The following SLC7A11 variants were observed in gnomAD, a reference collection of about 807,000 sequenced individuals.
SLC7A11 encodes cystine/glutamate transporter.
A neutral mutation model predicts 54.5 loss-of-function variants in SLC7A11; 35 were observed. The ratio of observed to expected loss-of-function variants is 0.64; its 90% CI spans 0.49 to 0.85. The LOEUF is 0.85. Ranked by LOEUF, SLC7A11 falls within the 40% of genes least tolerant of loss-of-function variation. The pLI is 0.00. For missense variants in SLC7A11, 583 were observed against 618.1 expected (o/e 0.94, Z 0.60); for synonymous variants, 230 against 225.2 (o/e 1.02, Z -0.19).
chr4:138,224,149 C>T (rs992199828), intron 3 of SLC7A11, among the ~76,000 whole-genome samples: 2 of 152,110 alleles, frequency 1.3e-5, no homozygotes, highest in Non-Finnish European at 2.9e-5. Flanking sequence ...GCCCAGGTAA[C>T]TTAATACATT....
chr4:138,236,288 G>A, intron 2 of SLC7A11, 37 bp downstream of exon 2: 2 of 1,565,482 alleles, frequency 1.3e-6, no homozygotes, highest in East Asian at 4.6e-5. Context: ...GAATGAATTG[G>A]TTTATTTTTT....
intron 3 of SLC7A11, among the ~76,000 whole-genome samples, chr4:138,228,852 T>C (rs371042982): frequency 4.6e-5 from 7 of 151,504 alleles, no homozygotes; most frequent in African/African-American, 1.2e-4. Context: ...AGATTTTCCA[T>C]CTTAACTTCC....
chr4:138,179,524 C>G (rs1239767713), intron 10 of SLC7A11, 130 bp from the exon 11 acceptor site: 3 of 675,000 alleles, frequency 4.4e-6, no homozygotes, highest in African/African-American at 1.8e-5. Flanking sequence ...GTAACAGGCA[C>G]CAACGTGCCT....
At chr4:138,225,166 ATATAT>A (rs1737917186) in intron 3 of SLC7A11, among the ~76,000 whole-genome samples, 1 of 145,896 alleles carries the variant, frequency 6.9e-6, no homozygotes, top group Non-Finnish European at 1.5e-5. Flanking sequence ...ATATATATAT[ATATAT>A]AAATAAAATC....
intron 8 of SLC7A11, 53 bp from the exon 9 acceptor site, chr4:138,182,446 G>C: frequency 8.8e-7 from 1 of 1,137,970 alleles, no homozygotes. Flanking sequence ...TCATTTCAAA[G>C]GGAAAATCCA....
In SLC7A11 at chr4:138,166,046, A is replaced by G. The variant is rs1036409437; in HGVS notation, c.*5910T>C. The stretch of plus-strand genomic sequence containing the variant: ...CGTTTCTAGTCGAGTATGAGCATAC[A>G]TTCATGGGAACAATCTGTTTCATTC... On this transcript the variant is annotated 3_prime_UTR_variant, in exon 12 of 12. Transcript: ENST00000280612. The G allele has an allele frequency of 6.6e-6, 1 of 152,194 alleles. No individual in the cohort carries two copies. The highest frequency in any genetic ancestry group is 1.5e-5 in the Non-Finnish European group (1 of 68,024). 9.4% of individuals were successfully genotyped at this position (152,194 alleles called of 1,614,324 possible).
At chr4:138,184,626 T>G (rs1387261594) in intron 7 of SLC7A11, among the ~76,000 whole-genome samples, 1 of 152,132 alleles carries the variant, frequency 6.6e-6, no homozygotes, top group Non-Finnish European at 1.5e-5. Context: ...CAGTATTTCC[T>G]AAATTTATTA....
In SLC7A11 at chr4:138,231,171, C is replaced by T. The variant is rs751520007; in HGVS notation, c.520+1096G>A. On this transcript the variant is annotated intron_variant, in intron 3 of 11. Coordinates refer to ENST00000280612, the MANE Select transcript of SLC7A11 (RefSeq NM_014331.4). Reference sequence around the variant, plus strand: ...ACGTAGAGTGTGAAATAATAGACATCGGAGACTCAGAGAGATGAGAGGGTA... The same window carrying T: ...ACGTAGAGTGTGAAATAATAGACATTGGAGACTCAGAGAGATGAGAGGGTA... Among the ~76,000 whole-genome samples, 6 of 151,854 alleles carry T rather than the reference C, an allele frequency of 4.0e-5. No homozygotes were observed. The South Asian group carries it at 1.0e-3, about 26-fold the overall frequency.
rs1214478176 is a variant in SLC7A11 at position 138,170,111 on chromosome 4, A to G, written c.*1845T>C. The G allele has an allele frequency of 6.7e-6, 1 of 149,740 alleles. No individual in the cohort carries two copies. Among genetic ancestry groups the G allele is most frequent in the East Asian group, 2.0e-4 (1 of 5,094 alleles). 9.3% of individuals were successfully genotyped at this position (149,740 alleles called of 1,614,324 possible). A position where few individuals can be genotyped will look rare whatever the true frequency, so the allele number is the denominator to read the frequency against. On this transcript the variant is annotated 3_prime_UTR_variant, in exon 12 of 12. Coordinates refer to ENST00000280612, the MANE Select transcript of SLC7A11 (RefSeq NM_014331.4). ...AAATGGACAAAAATTAAAGGATGAA[A>G]CATACTCTGGCCATGACTAACCATT...
intron 6 of SLC7A11, among the ~76,000 whole-genome samples, chr4:138,203,435 G>A (rs189577391): frequency 3.3e-5 from 5 of 152,022 alleles, no homozygotes; most frequent in Admixed American, 3.3e-4. Context: ...GAAAATAAAT[G>A]ATAGTATCTT....
At chr4:138,187,412 C>CA (rs1338115011) in intron 6 of SLC7A11, among the ~76,000 whole-genome samples, 1 of 152,120 alleles carries the variant, frequency 6.6e-6, no homozygotes, top group Non-Finnish European at 1.5e-5. Flanking sequence ...TTAGGAACAT[C>CA]AGCACATTTT....
At chr4:138,227,709 T>C (rs1737977376) in intron 3 of SLC7A11, among the ~76,000 whole-genome samples, 1 of 152,168 alleles carries the variant, frequency 6.6e-6, no homozygotes, top group African/African-American at 2.4e-5. Context: ...AATGAGGAAG[T>C]AGTTCAAAAG....
chr4:138,229,948 G>A (rs892624349), intron 3 of SLC7A11, among the ~76,000 whole-genome samples: 3 of 152,050 alleles, frequency 2.0e-5, no homozygotes, highest in African/African-American at 7.2e-5. Context: ...TAATAATTGT[G>A]ATATGATTCT....
intron 6 of SLC7A11, among the ~76,000 whole-genome samples, chr4:138,190,993 G>C (rs1291799345): frequency 6.6e-6 from 1 of 152,168 alleles, no homozygotes; most frequent in African/African-American, 2.4e-5. Flanking sequence ...TTTCTACTGA[G>C]TGGGAATTTG....
chr4:138,180,916 G>A (rs1736726037), intron 9 of SLC7A11, 126 bp from the exon 10 acceptor site: 1 of 872,630 alleles, frequency 1.1e-6, no homozygotes, highest in African/African-American at 1.7e-5. Context: ...TATCATCATA[G>A]TTAAAACTTG....
At chr4:138,201,690 T>C (rs1737290017) in intron 6 of SLC7A11, among the ~76,000 whole-genome samples, 1 of 152,012 alleles carries the variant, frequency 6.6e-6, no homozygotes, top group Non-Finnish European at 1.5e-5. Context: ...TGTCCACAAA[T>C]CCTGATCTGA....
intron 6 of SLC7A11, among the ~76,000 whole-genome samples, chr4:138,196,232 C>A (rs1051347034): frequency 1.3e-5 from 2 of 152,102 alleles, no homozygotes; most frequent in African/African-American, 4.8e-5. Context: ...AACACAGCAG[C>A]CACACCTGAA....
At chr4:138,204,300 G>A (rs928590659) in intron 6 of SLC7A11, among the ~76,000 whole-genome samples, 2 of 151,974 alleles carry the variant, frequency 1.3e-5, no homozygotes, top group Admixed American at 6.6e-5. Context: ...TTTCTACAGC[G>A]CAGAATGAAG....
Position 138,223,179 on chromosome 4 carries a change from A to G in SLC7A11, c.646+20T>C. On this transcript the variant is annotated intron_variant, in intron 4 of 11. Transcript: ENST00000280612. ...AAAGCAGATACGTATTTTAAAAAGCATTTGCTTTTCAGTCCATACCTTTAA... is the reference window on the plus strand; with the variant it reads ...AAAGCAGATACGTATTTTAAAAAGCGTTTGCTTTTCAGTCCATACCTTTAA... The G allele has an allele frequency of 6.2e-7, 1 of 1,601,576 alleles. No individual in the cohort carries two copies. Among genetic ancestry groups the G allele is most frequent in the East Asian group, 2.2e-5 (1 of 44,658 alleles).
Sources: gnomAD v4.1 joint callset for allele counts (sites outside exome capture counted in the v4.1 genomes callset) on GRCh38, gnomAD v4.1.1 for gene constraint, MANE v1.5 for transcripts, NCBI Gene and HGNC (gene_info 2026-07-23, HGNC 2026-07-21) for gene names.